The following SENP1 variants were observed in gnomAD, a reference collection of about 807,000 sequenced individuals.
The protein encoded by SENP1 is SUMO specific peptidase 1.
Under a neutral mutation model 93.0 loss-of-function variants are expected in SENP1, and 21 were observed. The ratio of observed to expected loss-of-function variants is 0.23; its 90% CI spans 0.16 to 0.33. SENP1 has a LOEUF of 0.33. SENP1 is among the 10% of genes least tolerant of loss of function. SENP1 has a pLI of 1.00. For synonymous variants in SENP1, 256 were observed against 259.6 expected (o/e 0.99, Z 0.13); for missense variants, 591 against 758.7 (o/e 0.78, Z 2.60).
At chr12:48,050,050 G>C (rs1254029818) in intron 13 of SENP1, among the ~76,000 whole-genome samples, 1 of 152,146 alleles carries the variant, frequency 6.6e-6, no homozygotes, top group African/African-American at 2.4e-5. Flanking sequence ...ATTAGGTCCA[G>C]GACTCTTTGG....
At chr12:48,101,035 C>T (rs1410149166) in intron 2 of SENP1, among the ~76,000 whole-genome samples, 2 of 152,202 alleles carry the variant, frequency 1.3e-5, no homozygotes, top group Non-Finnish European at 1.5e-5. Context: ...CCTGTAATCC[C>T]AGCACTTTGA....
intron 4 of SENP1, among the ~76,000 whole-genome samples, chr12:48,089,829 AT>A (rs1383391539): frequency 6.6e-6 from 1 of 152,214 alleles, no homozygotes; most frequent in African/African-American, 2.4e-5. Flanking sequence ...TATTTCTGGA[AT>A]TTTTTTCTAA....
Position 48,101,488 on chromosome 12 carries a change from A to G in SENP1, c.-16T>C. 1 of 1,596,560 alleles carries G rather than the reference A, an allele frequency of 6.3e-7. No homozygotes were observed. Reference sequence around the variant, plus strand: ...TCTTACCCATTTCAAGTCTTTTCACATCACTGACTTTAGCAAAGATACAAA... The same window carrying G: ...TCTTACCCATTTCAAGTCTTTTCACGTCACTGACTTTAGCAAAGATACAAA... On this transcript the variant is annotated 5_prime_UTR_variant, in exon 2 of 18. The change abolishes an upstream ATG in the 5' untranslated region. Transcript: ENST00000549518.
chr12:48,069,730 T>A (rs1208002871), intron 9 of SENP1, among the ~76,000 whole-genome samples: 2 of 152,316 alleles, frequency 1.3e-5, no homozygotes, highest in Non-Finnish European at 1.5e-5. Context: ...TGTCCAAAGC[T>A]ACATGAAGCC....
intron 4 of SENP1, among the ~76,000 whole-genome samples, chr12:48,091,103 T>C (rs1945198444): frequency 6.6e-6 from 1 of 152,136 alleles, no homozygotes; most frequent in African/African-American, 2.4e-5. Context: ...TACACAAATT[T>C]TCTGCAGGGA....
rs1944776436 is a variant in SENP1 at position 48,085,246 on chromosome 12, GCAT to G, written c.381-1487_381-1485del. On this transcript the variant is annotated intron_variant, in intron 5 of 17. Transcript: ENST00000549518. ...CAATTTCTAAACCGGGATGACACTG[GCAT>G]CATCCTCATCAACCAGTACATCGCA... 5.2e-6 allele frequency: 8 copies of G among 1,552,046 alleles called. No individual in the cohort carries two copies. The South Asian group carries it at 8.9e-5, about 17-fold the overall frequency.
intron 13 of SENP1, among the ~76,000 whole-genome samples, chr12:48,059,791 G>A (rs1942834283): frequency 6.6e-6 from 1 of 152,136 alleles, no homozygotes; most frequent in African/African-American, 2.4e-5. Context: ...GTGATGGTGG[G>A]TCCAGAGCAG....
chr12:48,061,831 G>A lies in SENP1; in HGVS notation c.1407+1879C>T, dbSNP rs151100803. On this transcript the variant is annotated intron_variant, in intron 13 of 17. Coordinates refer to ENST00000549518, the MANE Select transcript of SENP1 (RefSeq NM_001267594.2). ...CGAAGTATGGTACTTTGAAAATGGTGCTTTTTAAGATAGCTCCCATCATTA... is the reference window on the plus strand; with the variant it reads ...CGAAGTATGGTACTTTGAAAATGGTACTTTTTAAGATAGCTCCCATCATTA... 4.7e-3 allele frequency among the ~76,000 whole-genome samples: 721 copies of A among 152,224 alleles called. 7 individuals are homozygous for A. The highest frequency in any genetic ancestry group is 0.016 in the African/African-American group (646 of 41,512).
At chr12:48,096,269 GATAAAC>G (rs1348301756) in intron 4 of SENP1, 68 bp downstream of exon 4, 16 of 774,634 alleles carry the variant, frequency 2.1e-5, no homozygotes, top group African/African-American at 3.6e-5. Flanking sequence ...TTTTGGAGAT[GATAAAC>G]ATAAACGATA....
intron 4 of SENP1, among the ~76,000 whole-genome samples, chr12:48,092,020 A>T (rs558929569): frequency 2.3e-4 from 35 of 152,274 alleles, no homozygotes; most frequent in East Asian, 1.2e-3. Context: ...TTTATTTTTT[A>T]AAAAAATCAA....
intron 4 of SENP1, among the ~76,000 whole-genome samples, chr12:48,093,325 C>T (rs935537688): frequency 1.4e-5 from 2 of 147,944 alleles, no homozygotes; most frequent in African/African-American, 2.5e-5. Context: ...ACTGTGTCGC[C>T]CAGGATGGAG....
chr12:48,053,148 C>G (rs557770779), intron 13 of SENP1, among the ~76,000 whole-genome samples: 2 of 152,232 alleles, frequency 1.3e-5, no homozygotes, highest in South Asian at 4.1e-4. Flanking sequence ...CAATTCCCCC[C>G]GTTCCCATCA....
intron 4 of SENP1, 51 bp downstream of exon 4, chr12:48,096,292 C>T (rs374579395): frequency 3.2e-4 from 322 of 1,012,296 alleles, no homozygotes; most frequent in Non-Finnish European, 4.6e-4. Flanking sequence ...GATATGCTAT[C>T]AAGAAATCCA....
intron 5 of SENP1, among the ~76,000 whole-genome samples, chr12:48,084,452 T>TTTTG (rs1555184421): frequency 1.7e-5 from 2 of 114,568 alleles, no homozygotes; most frequent in African/African-American, 4.1e-5. Flanking sequence ...TTTGAGTTTT[T>TTTTG]TTTTTTTTTT....
intron 13 of SENP1, among the ~76,000 whole-genome samples, chr12:48,057,026 AT>A (rs367930227): frequency 6.4e-5 from 3 of 47,190 alleles, no homozygotes; most frequent in Admixed American, 4.0e-4. Context: ...ACATATATAA[AT>A]ATATTATTTA....
intron 1 of SENP1, among the ~76,000 whole-genome samples, chr12:48,102,448 A>AC: frequency 6.6e-6 from 1 of 150,554 alleles, no homozygotes; most frequent in South Asian, 2.1e-4. Flanking sequence ...AAAAAAAAAA[A>AC]AAAAAACCAA....
At chr12:48,085,440 C>A (rs151317264) in intron 5 of SENP1, 3 of 837,368 alleles carry the variant, frequency 3.6e-6, no homozygotes, top group Non-Finnish European at 5.6e-6. Context: ...TGTGAGGACT[C>A]CTCACAGCCC....
At chr12:48,070,311 A>C (rs1314223270) in intron 9 of SENP1, among the ~76,000 whole-genome samples, 1 of 152,328 alleles carries the variant, frequency 6.6e-6, no homozygotes, top group East Asian at 1.9e-4. Context: ...TCTCTGCTCA[A>C]GTCACTTTAT....
intron 13 of SENP1, among the ~76,000 whole-genome samples, chr12:48,061,800 A>C (rs955024461): frequency 6.6e-6 from 1 of 152,192 alleles, no homozygotes; most frequent in African/African-American, 2.4e-5. Context: ...TAACTTTGAA[A>C]GCCTACGAAG....
Sources: allele counts gnomAD v4.1 joint callset (sites outside exome capture counted in the v4.1 genomes callset), GRCh38; gene constraint gnomAD v4.1.1; transcripts MANE v1.5; gene names NCBI Gene and HGNC (gene_info 2026-07-23, HGNC 2026-07-21).